Variants in RNF115 observed in about 807,000 individuals in gnomAD.
RNF115 encodes the protein E3 ubiquitin-protein ligase RNF115.
A neutral mutation model predicts 39.2 loss-of-function variants in RNF115; 31 were observed. The observed-to-expected ratio is 0.79, with a 90% CI of 0.59 to 1.07. RNF115 has a LOEUF of 1.07. Ranked by LOEUF, RNF115 falls within the 50% of genes least tolerant of loss-of-function variation. RNF115 has a pLI of 0.00. For synonymous variants in RNF115, 124 were observed against 131.0 expected, an observed-to-expected ratio of 0.95 and a Z score of 0.37; for missense variants, 384 against 381.7, an observed-to-expected ratio of 1.01 and a Z score of -0.05.
At chr1:145,808,099 T>C (rs1649535993) in intron 1 of RNF115, among the ~76,000 whole-genome samples, 1 of 152,304 alleles carries the variant, frequency 6.6e-6, no homozygotes, top group Non-Finnish European at 1.5e-5. Context: ...ATTCATCCAC[T>C]GATGGATACT....
chr1:145,796,049 A>G (rs1648962896), intron 1 of RNF115, among the ~76,000 whole-genome samples: 1 of 152,200 alleles, frequency 6.6e-6, no homozygotes, highest in Non-Finnish European at 1.5e-5. Flanking sequence ...TCTCACTTCC[A>G]TTTCTTTAAT....
intron 1 of RNF115, among the ~76,000 whole-genome samples, chr1:145,801,785 TTCTC>T (rs1279670333): frequency 1.3e-5 from 2 of 151,938 alleles, no homozygotes; most frequent in Admixed American, 1.3e-4. Flanking sequence ...AGTAACTCAT[TTCTC>T]TCTTTTTTTT....
intron 2 of RNF115, among the ~76,000 whole-genome samples, chr1:145,787,770 T>C (rs1323500488): frequency 6.6e-6 from 1 of 151,422 alleles, no homozygotes; most frequent in Non-Finnish European, 1.5e-5. Flanking sequence ...ACACCTGTAG[T>C]CCCAGCTACT....
chr1:145,780,131 G>A (rs1648062120), intron 3 of RNF115, among the ~76,000 whole-genome samples: 2 of 151,962 alleles, frequency 1.3e-5, no homozygotes, highest in African/African-American at 4.8e-5. Context: ...GGGAGGCTGA[G>A]GTGAGAGAAT....
Position 145,753,068 on chromosome 1 carries a change from T to G in RNF115, c.429-19A>C, listed in dbSNP as rs200019552. The G allele has an allele frequency of 2.6e-6, 4 of 1,535,740 alleles. No homozygotes were observed. In the African/African-American group the frequency reaches 4.1e-5, roughly 16 times the overall value. Reference sequence around the variant, plus strand: ...TAGTATTCTGTTACAGAAGAAAAAATTAGATAAGACAACAGACTAATGAAA... The same window carrying G: ...TAGTATTCTGTTACAGAAGAAAAAAGTAGATAAGACAACAGACTAATGAAA... On this transcript the variant is annotated intron_variant, in intron 4 of 8. Transcript: ENST00000582693.
At position 145,771,753 on chromosome 1, in the gene RNF115, G is replaced by C; in HGVS notation, c.386C>G (p.Ser129Cys). 8 of 1,614,142 alleles carry C rather than the reference G, an allele frequency of 5.0e-6. No homozygotes were observed. Among genetic ancestry groups the C allele is most frequent in the Non-Finnish European group, 5.9e-6 (7 of 1,180,008 alleles). Residue 129 changes from serine to cysteine, a missense_variant, in exon 4 of 9, where the codon TCT becomes TGT. By Grantham distance (112) the Ser-to-Cys change is moderately radical (BLOSUM62 -1). Coordinates refer to ENST00000582693, the MANE Select transcript of RNF115 (RefSeq NM_014455.4). ...PRLPLGRRYR[S>C]RGSSRPDRSP... ...TCTGTCAGGACGAGAACTTCCTCGA[G>C]ATCTGTATCTCCGACCCAATGGCAA... is the stretch of plus-strand genomic sequence containing the variant.
At chr1:145,788,849 C>A in intron 2 of RNF115, 59 bp downstream of exon 2, 2 of 1,217,584 alleles carry the variant, frequency 1.6e-6, no homozygotes, top group South Asian at 2.4e-5. Flanking sequence ...TCAGTCCATG[C>A]TGAGAGAAAA....
At position 145,824,029 on chromosome 1, in the gene RNF115, C is replaced by A. The variant is rs926891222; in HGVS notation, c.-156G>T. The A allele has an allele frequency of 7.6e-6, 4 of 522,888 alleles. No individual in the cohort carries two copies. The highest frequency in any genetic ancestry group is 6.1e-5 in the African/African-American group (3 of 49,156). 32.4% of individuals were successfully genotyped at this position (522,888 alleles called of 1,614,324 possible). Reference sequence around the variant, plus strand: ...CACGTGAGTTGGCCAGGCCCAGAAACGCGGCGGCGCCAACAGCTACCCTGC... The same window carrying A: ...CACGTGAGTTGGCCAGGCCCAGAAAAGCGGCGGCGCCAACAGCTACCCTGC... On this transcript the variant is annotated 5_prime_UTR_variant, in exon 1 of 9. Coordinates refer to ENST00000582693, the MANE Select transcript of RNF115 (RefSeq NM_014455.4).
chr1:145,809,449 G>A (rs1439345916), intron 1 of RNF115, among the ~76,000 whole-genome samples: 5 of 144,176 alleles, frequency 3.5e-5, no homozygotes, highest in African/African-American at 1.3e-4. Context: ...CCAAAGTGCT[G>A]AGATTATAGG....
At chr1:145,791,264 G>A (rs1433603951) in intron 1 of RNF115, among the ~76,000 whole-genome samples, 1 of 151,608 alleles carries the variant, frequency 6.6e-6, no homozygotes, top group African/African-American at 2.4e-5. Flanking sequence ...TGTAATCCCA[G>A]CACTTTCGGA....
intron 1 of RNF115, among the ~76,000 whole-genome samples, chr1:145,797,012 A>T (rs1339068451): frequency 1.3e-5 from 2 of 152,202 alleles, no homozygotes; most frequent in East Asian, 3.8e-4. Context: ...TTTCTCAGGA[A>T]ACCAACCATC....
chr1:145,821,527 C>T (rs1437387474), intron 1 of RNF115, among the ~76,000 whole-genome samples: 3 of 82,036 alleles, frequency 3.7e-5, no homozygotes, highest in African/African-American at 7.2e-5. Flanking sequence ...TGCAATGGTG[C>T]GATCTCAGCT....
chr1:145,812,840 C>T (rs1359454009), intron 1 of RNF115, among the ~76,000 whole-genome samples: 3 of 148,634 alleles, frequency 2.0e-5, no homozygotes, highest in African/African-American at 7.4e-5. Flanking sequence ...AGGCTGGTCT[C>T]AAACTCCTGA....
At chr1:145,811,908 A>AAC in intron 1 of RNF115, among the ~76,000 whole-genome samples, 2 of 55,154 alleles carry the variant, frequency 3.6e-5, no homozygotes, top group South Asian at 6.8e-4. Flanking sequence ...AAAAAAAAAA[A>AAC]ATATATATAT....
intron 4 of RNF115, among the ~76,000 whole-genome samples, chr1:145,756,189 G>A (rs944571515): frequency 6.6e-6 from 1 of 152,076 alleles, no homozygotes; most frequent in African/African-American, 2.4e-5. Flanking sequence ...GGCCAGGCAC[G>A]GTAGCTCACG....
chr1:145,764,550 G>A (rs1317995596), intron 4 of RNF115, among the ~76,000 whole-genome samples: 19 of 150,720 alleles, frequency 1.3e-4, no homozygotes, highest in Non-Finnish European at 2.1e-4. Flanking sequence ...GAAGTGAGGA[G>A]CCCCTCCGCC....
At chr1:145,751,136 TA>T (rs1658072000) in intron 6 of RNF115, among the ~76,000 whole-genome samples, 1 of 152,208 alleles carries the variant, frequency 6.6e-6, no homozygotes, top group Non-Finnish European at 1.5e-5. Context: ...AAATATTTGT[TA>T]ATAGAATCCT....
chr1:145,817,532 G>A (rs1298027270), intron 1 of RNF115, among the ~76,000 whole-genome samples: 8 of 146,140 alleles, frequency 5.5e-5, no homozygotes, highest in African/African-American at 1.7e-4. Context: ...GGGGTATTAA[G>A]CCTTTTTATA....
intron 4 of RNF115, among the ~76,000 whole-genome samples, chr1:145,768,437 T>A (rs1553715326): frequency 6.6e-6 from 1 of 152,234 alleles, no homozygotes; most frequent in African/African-American, 2.4e-5. Context: ...TGCCTCAGCT[T>A]CCTGAGTAGC....
Sources: gnomAD v4.1 joint callset for allele counts (sites outside exome capture counted in the v4.1 genomes callset) on GRCh38, gnomAD v4.1.1 for gene constraint, MANE v1.5 for transcripts, NCBI Gene and HGNC (gene_info 2026-07-23, HGNC 2026-07-21) for gene names.